The following MRPS18B variants were observed in gnomAD, a reference collection of about 807,000 sequenced individuals.
The protein encoded by MRPS18B is mitochondrial ribosomal protein S18B, also known as small ribosomal subunit protein mS40.
In MRPS18B, 27 loss-of-function variants were observed where a neutral mutation model predicts 28.4. The observed-to-expected ratio is 0.95, with a 90% confidence interval of 0.70 to 1.31. The LOEUF (loss-of-function observed/expected upper bound fraction) is 1.31. Ranked by LOEUF, MRPS18B falls within the 40% of genes most tolerant of loss-of-function variation. The pLI is 0.00. For missense variants in MRPS18B, 343 were observed against 335.9 expected (o/e 1.02, Z -0.17); for synonymous variants, 118 against 123.7 (o/e 0.95, Z 0.30).
intron 5 of MRPS18B, 110 bp downstream of exon 5, chr6:30,623,008 G>GT: frequency 8.9e-7 from 1 of 1,119,898 alleles, no homozygotes; most frequent in Non-Finnish European, 1.3e-6. Context: ...AGCCTAAAAG[G>GT]TCTGGCTGAA....
intron 6 of MRPS18B, 76 bp from the exon 7 acceptor site, chr6:30,625,426 A>G (rs886572732): frequency 4.4e-6 from 6 of 1,375,040 alleles, no homozygotes; most frequent in Non-Finnish European, 5.9e-6. Flanking sequence ...CCTTCCCTTT[A>G]TAATCCTTTT....
chr6:30,624,830 TGTG>T, intron 5 of MRPS18B, 50 bp from the exon 6 acceptor site: 1 of 1,586,274 alleles, frequency 6.3e-7, no homozygotes, highest in South Asian at 1.1e-5. Flanking sequence ...TGGAAGCAGT[TGTG>T]TTCTATTATT....
At position 30,619,511 on chromosome 6, in the gene MRPS18B, T is replaced by G; in HGVS notation, c.97T>G (p.Cys33Gly). 6.2e-7 allele frequency: 1 copy of G among 1,612,948 alleles called. No individual in the cohort carries two copies. Among genetic ancestry groups the G allele is most frequent in the Non-Finnish European group, 8.5e-7 (1 of 1,179,910 alleles). ...HRVQVPLQTL[C>G]TKAPSEEDSL... ...TTTGTAGGTTCCCCTCCAGACTCTT[T>G]GCACCAAAGCTCCCTCTGAGGAAGA... Residue 33 changes from cysteine (C) to glycine (G), a missense_variant, in exon 2 of 7, where the codon TGC (cysteine) becomes GGC (glycine). By Grantham distance (159) the Cys-to-Gly change is radical. Coordinates refer to ENST00000259873, the MANE Select transcript of MRPS18B (RefSeq NM_014046.4).
chr6:30,619,042 C>T (rs1047972991), intron 1 of MRPS18B, among the ~76,000 whole-genome samples: 3 of 152,080 alleles, frequency 2.0e-5, no homozygotes, highest in Admixed American at 6.6e-5. Flanking sequence ...CTCAGCCTCC[C>T]GAGTAGCTGG....
At chr6:30,618,083 C>CT (rs1760843685) in intron 1 of MRPS18B, 140 bp downstream of exon 1, 1 of 804,126 alleles carries the variant, frequency 1.2e-6, no homozygotes, top group African/African-American at 1.7e-5. Flanking sequence ...TGCAACCCCC[C>CT]CCCCACACCC....
chr6:30,622,494 G>A (rs1761219400), intron 4 of MRPS18B, among the ~76,000 whole-genome samples: 1 of 150,426 alleles, frequency 6.6e-6, no homozygotes, highest in Non-Finnish European at 1.5e-5. Flanking sequence ...CCTGGGAGGC[G>A]GAGGTTGTGG....
intron 5 of MRPS18B, among the ~76,000 whole-genome samples, chr6:30,624,093 G>T (rs762771382): frequency 2.7e-5 from 4 of 149,274 alleles, no homozygotes; most frequent in Non-Finnish European, 5.9e-5. Flanking sequence ...TTTTTTGGGG[G>T]GGTGTGGGTG....
In MRPS18B at chr6:30,621,986, CTG is replaced by C. The variant is rs1033475544; in HGVS notation, c.355-845_355-844del. On this transcript the variant is annotated intron_variant, in intron 4 of 6. Transcript: ENST00000259873. ...ACAGAGATTATAATTAATTACATAA[CTG>C]AGAGAGAGAAATGTTACAAATTTAG... Among the ~76,000 whole-genome samples the C allele has an allele frequency of 1.3e-4, 20 of 152,044 alleles. 1 individual carries two copies. Among genetic ancestry groups the C allele is most frequent in the Admixed American group, 1.3e-3 (20 of 15,262 alleles).
intron 4 of MRPS18B, among the ~76,000 whole-genome samples, chr6:30,621,348 G>A (rs1761146428): frequency 6.6e-6 from 1 of 152,176 alleles, no homozygotes; most frequent in Non-Finnish European, 1.5e-5. Flanking sequence ...GTTGCAGTGA[G>A]CTGAGATTGC....
At chr6:30,618,424 A>G (rs969591912) in intron 1 of MRPS18B, 22 of 169,890 alleles carry the variant, frequency 1.3e-4, no homozygotes, top group African/African-American at 2.6e-4. Flanking sequence ...CTATTTCTCA[A>G]TAAGGTCAGG....
rs1297431456 is a variant in MRPS18B at position 30,626,057 on chromosome 6, C to T, written c.*260C>T. On this transcript the variant is annotated 3_prime_UTR_variant, in exon 7 of 7. Coordinates refer to ENST00000259873, the MANE Select transcript of MRPS18B (RefSeq NM_014046.4). ...GAGGTTGCAGTGAGTTGCAGTCACACCCCTGCACTCCAGCCTGGGTGACAG... is the reference window on the plus strand; with the variant it reads ...GAGGTTGCAGTGAGTTGCAGTCACATCCCTGCACTCCAGCCTGGGTGACAG... 2 of 454,570 alleles carry T rather than the reference C, an allele frequency of 4.4e-6. No homozygotes were observed. Among genetic ancestry groups the T allele is most frequent in the African/African-American group, 4.0e-5 (2 of 50,230 alleles). 28.2% of individuals were successfully genotyped at this position (454,570 alleles called of 1,614,324 possible). A position where few individuals can be genotyped will look rare whatever the true frequency, so the allele number is the denominator to read the frequency against.
intron 6 of MRPS18B, 137 bp from the exon 7 acceptor site, chr6:30,625,365 C>T: frequency 1.1e-6 from 1 of 903,590 alleles, no homozygotes. Context: ...GGGCCGGTCA[C>T]CTGTTTGCAG....
chr6:30,620,239 C>A (rs1761064903), intron 4 of MRPS18B: 1 of 462,508 alleles, frequency 2.2e-6, no homozygotes, highest in African/African-American at 2.0e-5. Context: ...ATGGCGTGAA[C>A]CCGGGAGGCA....
At position 30,619,935 on chromosome 6, in the gene MRPS18B, T is replaced by A; in HGVS notation, c.300T>A (p.Val100=). Residue 100 remains valine (V), a synonymous_variant, in exon 4 of 7, where the codon GTT becomes GTA. Transcript: ENST00000259873. ...TCTCTCTACAGCGTCGGAATAAAGT[T>A]GTTGGGAATCCCTGCCCCATCTGTC... ...TRKTCIRRNK[V]VGNPCPICRD... The A allele has an allele frequency of 1.2e-6, 2 of 1,614,200 alleles. No individual in the cohort carries two copies. Among genetic ancestry groups the A allele is most frequent in the Non-Finnish European group, 1.7e-6 (2 of 1,180,036 alleles).
Position 30,624,733 on chromosome 6 carries a change from TG to T in MRPS18B, c.422-146del, listed in dbSNP as rs1012744473. The T allele has an allele frequency of 2.3e-5, 16 of 709,524 alleles. No homozygotes were observed. In the Admixed American group the frequency reaches 4.1e-4, roughly 18 times the overall value. 44.0% of individuals were successfully genotyped at this position (709,524 alleles called of 1,614,324 possible). A position where few individuals can be genotyped will look rare whatever the true frequency, so the allele number is the denominator to read the frequency against. ...GGGGAGATTCTTTCCTTTGGGCAGA[TG>T]GGGAAACTGAGGTCCATGGAGGGGT... On this transcript the variant is annotated intron_variant, in intron 5 of 6. Transcript: ENST00000259873.
At chr6:30,620,366 T>G (rs1045385780) in intron 4 of MRPS18B, among the ~76,000 whole-genome samples, 12 of 151,918 alleles carry the variant, frequency 7.9e-5, no homozygotes, top group African/African-American at 2.7e-4. Flanking sequence ...AAATAAAGAT[T>G]AGGAGCCCCT....
At chr6:30,619,110 G>A (rs1163375656) in intron 1 of MRPS18B, among the ~76,000 whole-genome samples, 1 of 152,058 alleles carries the variant, frequency 6.6e-6, no homozygotes, top group South Asian at 2.1e-4. Flanking sequence ...TAGAGATAAG[G>A]TTTCACCATG....
intron 6 of MRPS18B, 110 bp downstream of exon 6, chr6:30,625,052 C>T: frequency 8.7e-7 from 1 of 1,150,794 alleles, no homozygotes; most frequent in East Asian, 2.5e-5. Flanking sequence ...TAGCACCCAG[C>T]ATGTTCTTCC....
intron 4 of MRPS18B, among the ~76,000 whole-genome samples, chr6:30,620,569 A>C (rs1171647725): frequency 1.3e-5 from 2 of 151,504 alleles, no homozygotes; most frequent in African/African-American, 4.8e-5. Context: ...GGTAAGAGAA[A>C]TGGCTGTTTT....
Sources: allele counts gnomAD v4.1 joint callset (sites outside exome capture counted in the v4.1 genomes callset), GRCh38; gene constraint gnomAD v4.1.1; transcripts MANE v1.5; gene names NCBI Gene and HGNC (gene_info 2026-07-23, HGNC 2026-07-21).